The following ST3GAL6 variants were observed in gnomAD, a reference collection of about 807,000 sequenced individuals.
ST3GAL6 encodes type 2 lactosamine alpha-2,3-sialyltransferase.
A neutral mutation model predicts 40.5 loss-of-function variants in ST3GAL6; 31 were observed. The observed-to-expected ratio is 0.77, with a 90% CI of 0.58 to 1.03. The LOEUF (loss-of-function observed/expected upper bound fraction) is 1.03. Ranked by LOEUF, ST3GAL6 falls within the 50% of genes least tolerant of loss-of-function variation. The probability of loss-of-function intolerance (pLI) is 0.00; values close to 1 mark genes in which losing one functional copy is unlikely to be tolerated. For missense variants in ST3GAL6, 357 were observed against 393.2 expected (o/e 0.91, Z 0.78); for synonymous variants, 129 against 136.9 (o/e 0.94, Z 0.40).
intron 1 of ST3GAL6, chr3:98,733,503 T>TA: frequency 1.0e-6 from 1 of 986,980 alleles, no homozygotes. Context: ...TCTTACCGTA[T>TA]AAAGTTTTTC....
chr3:98,770,978 C>A (rs1257622461), intron 3 of ST3GAL6, 22 bp downstream of exon 3: 1 of 1,608,326 alleles, frequency 6.2e-7, no homozygotes, highest in South Asian at 1.1e-5. Context: ...CCAGAAAAAC[C>A]TGTGGCATAC....
At chr3:98,751,044 C>CTTT (rs5851136) in intron 1 of ST3GAL6, among the ~76,000 whole-genome samples, 1 of 142,528 alleles carries the variant, frequency 7.0e-6, no homozygotes, top group African/African-American at 2.6e-5. Context: ...ACTAAATAAT[C>CTTT]TTTTTTTTTT....
chr3:98,770,912 GATCCA>G lies in ST3GAL6; in HGVS notation c.124_128del (p.Ile42AlafsTer25). On this transcript the variant is annotated frameshift_variant, in exon 3 of 10. Transcript: ENST00000483910. LOFTEE classifies it high-confidence loss of function. Reference sequence around the variant, plus strand: ...CTGTGGAAATGAAACGGAGAAATAAGATCCAGCCTTGTTTATCAAAGCCAGCTTTT... The same window carrying G: ...CTGTGGAAATGAAACGGAGAAATAAGGCCTTGTTTATCAAAGCCAGCTTTT... 6.2e-7 allele frequency: 1 copy of G among 1,614,124 alleles called. No homozygotes were observed. The highest frequency in any genetic ancestry group is 8.5e-7 in the Non-Finnish European group (1 of 1,179,976).
chr3:98,733,770 C>A (rs1559714706), intron 1 of ST3GAL6, among the ~76,000 whole-genome samples: 1 of 152,066 alleles, frequency 6.6e-6, no homozygotes, highest in Admixed American at 6.6e-5. Context: ...AAAAACAAAC[C>A]CAAAGCACCT....
chr3:98,766,081 G>A (rs1159841529), intron 1 of ST3GAL6, among the ~76,000 whole-genome samples: 3 of 152,172 alleles, frequency 2.0e-5, no homozygotes, highest in Non-Finnish European at 4.4e-5. Flanking sequence ...GGCGTGTGCA[G>A]TAGCTGTTCA....
Position 98,786,499 on chromosome 3 carries a change from A to G in ST3GAL6, c.431+1459A>G, listed in dbSNP as rs544425586. On this transcript the variant is annotated intron_variant, in intron 6 of 9. Coordinates refer to ENST00000483910, the MANE Select transcript of ST3GAL6 (RefSeq NM_001323368.2). Reference sequence around the variant, plus strand: ...GACCTGAGGCTCATTGACACTCCCAATAAAAGCAGGCTTAGAGGCGTGATG... The same window carrying G: ...GACCTGAGGCTCATTGACACTCCCAGTAAAAGCAGGCTTAGAGGCGTGATG... 3.9e-5 allele frequency among the ~76,000 whole-genome samples: 6 copies of G among 152,284 alleles called. No individual in the cohort carries two copies. The South Asian group carries it at 1.2e-3, about 32-fold the overall frequency.
Position 98,793,702 on chromosome 3 carries a change from C to T in ST3GAL6, c.937C>T (p.Gln313Ter). Residue 313 changes from glutamine to a stop codon, truncating the protein, a stop_gained, in exon 10 of 10, where the codon CAG (glutamine) becomes TAG (stop). Transcript: ENST00000483910. LOFTEE classifies it high-confidence loss of function. ...KNAYHNVTAEQLFLKDIIEKN... is the reference protein window; with the variant it reads ...KNAYHNVTAE ...CGCGTATCACAATGTGACTGCAGAG[C>T]AGCTCTTTTTGAAGGACATTATAGA... 1.9e-6 allele frequency: 3 copies of T among 1,596,828 alleles called. No homozygotes were observed. Among genetic ancestry groups the T allele is most frequent in the Non-Finnish European group, 2.6e-6 (3 of 1,172,984 alleles).
intron 8 of ST3GAL6, among the ~76,000 whole-genome samples, 156 bp from the exon 9 acceptor site, chr3:98,791,685 C>G (rs1190185915): frequency 6.6e-6 from 1 of 152,206 alleles, no homozygotes; most frequent in Non-Finnish European, 1.5e-5. Context: ...TATATGCATA[C>G]TCTTTGGGGC....
intron 1 of ST3GAL6, among the ~76,000 whole-genome samples, chr3:98,742,200 A>G (rs1260513243): frequency 6.6e-6 from 1 of 152,202 alleles, no homozygotes; most frequent in Non-Finnish European, 1.5e-5. Context: ...TTGATTTGAT[A>G]TATCAATGTG....
upstream of ST3GAL6, among the ~76,000 whole-genome samples, chr3:98,761,004 T>A (rs779233104): frequency 6.6e-5 from 10 of 152,138 alleles, no homozygotes; most frequent in South Asian, 4.1e-4. Context: ...TATATGAAAT[T>A]TTAGAAAAGC....
chr3:98,777,474 G>A (rs189865289), intron 5 of ST3GAL6, among the ~76,000 whole-genome samples: 3 of 152,306 alleles, frequency 2.0e-5, no homozygotes, highest in South Asian at 2.1e-4. Context: ...CATTGGATAG[G>A]ACTCCATCAC....
Position 98,793,696 on chromosome 3 carries a change from G to A in ST3GAL6, c.931G>A (p.Ala311Thr), listed in dbSNP as rs28489284. Reference protein sequence around the residue: ...MNKNAYHNVTAEQLFLKDIIE... With the variant: ...MNKNAYHNVTTEQLFLKDIIE... Reference sequence around the variant, plus strand: ...TTAGAACGCGTATCACAATGTGACTGCAGAGCAGCTCTTTTTGAAGGACAT... The same window carrying A: ...TTAGAACGCGTATCACAATGTGACTACAGAGCAGCTCTTTTTGAAGGACAT... The change falls in exon 10 of 10, where the codon GCA (alanine) becomes ACA (threonine). Residue 311 changes from alanine to threonine, a missense_variant. By Grantham distance (58) the Ala-to-Thr change is moderately conservative. Coordinates refer to ENST00000483910, the MANE Select transcript of ST3GAL6 (RefSeq NM_001323368.2). The A allele has an allele frequency of 0.048, 76,402 of 1,593,364 alleles. 1,961 individuals are homozygous for A. The highest frequency in any genetic ancestry group is 0.068 in the African/African-American group (5,074 of 74,212).
chr3:98,738,270 A>G (rs1559717943), intron 1 of ST3GAL6, among the ~76,000 whole-genome samples: 1 of 151,440 alleles, frequency 6.6e-6, no homozygotes, highest in South Asian at 2.1e-4. Flanking sequence ...AGTCTCAGGT[A>G]TTTCTTTCTT....
intron 1 of ST3GAL6, among the ~76,000 whole-genome samples, chr3:98,750,819 A>G (rs1156495042): frequency 6.6e-6 from 1 of 152,118 alleles, no homozygotes; most frequent in Admixed American, 6.6e-5. Context: ...CCTAGTACTG[A>G]GCTCAAACTT....
At position 98,794,224 on chromosome 3, in the gene ST3GAL6, T is replaced by A. The variant is rs1941430366; in HGVS notation, c.*463T>A. On this transcript the variant is annotated 3_prime_UTR_variant, in exon 10 of 10. Coordinates refer to ENST00000483910, the MANE Select transcript of ST3GAL6 (RefSeq NM_001323368.2). ...TGGCTCTGGAAATCTAAGTTCATAC[T>A]GGTTTAATTAAGCTCTCTCCTGACA... 1 of 152,400 alleles carries A rather than the reference T, an allele frequency of 6.6e-6. No homozygotes were observed. The highest frequency in any genetic ancestry group is 6.5e-5 in the Admixed American group (1 of 15,286). 9.4% of individuals were successfully genotyped at this position (152,400 alleles called of 1,614,324 possible). A position where few individuals can be genotyped will look rare whatever the true frequency, so the allele number is the denominator to read the frequency against.
At chr3:98,787,242 C>T (rs925189635) in intron 6 of ST3GAL6, among the ~76,000 whole-genome samples, 1 of 152,012 alleles carries the variant, frequency 6.6e-6, no homozygotes, top group African/African-American at 2.4e-5. Flanking sequence ...CACAGGAAAC[C>T]CTTGCAGGAA....
intron 5 of ST3GAL6, among the ~76,000 whole-genome samples, chr3:98,777,518 A>G (rs1264831073): frequency 1.3e-5 from 2 of 152,228 alleles, no homozygotes; most frequent in Admixed American, 6.5e-5. Flanking sequence ...GGACCGGAAA[A>G]TGTAGTTTGT....
chr3:98,782,438 A>G, intron 5 of ST3GAL6: 2 of 621,120 alleles, frequency 3.2e-6, no homozygotes, highest in South Asian at 1.9e-5. Flanking sequence ...CCAGATCTGA[A>G]TATAAAATCT....
chr3:98,766,439 G>GTTT (rs1938350477), intron 1 of ST3GAL6, among the ~76,000 whole-genome samples: 1 of 124,418 alleles, frequency 8.0e-6, no homozygotes, highest in Admixed American at 7.9e-5. Context: ...TTTTTTTTTG[G>GTTT]GAAAGGGAGT....
Sources: allele counts gnomAD v4.1 joint callset (sites outside exome capture counted in the v4.1 genomes callset), GRCh38; gene constraint gnomAD v4.1.1; transcripts MANE v1.5; gene names NCBI Gene and HGNC (gene_info 2026-07-23, HGNC 2026-07-21).